Variants in PCLO observed in about 807,000 individuals in gnomAD.
PCLO encodes the protein protein piccolo.
Under a neutral mutation model 427.5 loss-of-function variants are expected in PCLO, and 82 were observed. That is an observed-to-expected ratio of 0.19 (90% CI 0.16 to 0.23). The LOEUF (loss-of-function observed/expected upper bound fraction) is 0.23, where lower values mean the gene tolerates loss of function less well. PCLO is among the 10% of genes least tolerant of loss of function. PCLO has a pLI of 1.00. For synonymous variants in PCLO, 2,357 were observed against 2,155.4 expected, an observed-to-expected ratio of 1.09 and a Z score of -2.59; for missense variants, 6,239 against 6,115.9, an observed-to-expected ratio of 1.02 and a Z score of -0.67.
At chr7:83,140,455 T>A (rs1460744981) in intron 2 of PCLO, among the ~76,000 whole-genome samples, 1 of 152,220 alleles carries the variant, frequency 6.6e-6, no homozygotes, top group Non-Finnish European at 1.5e-5. Flanking sequence ...TTTCCAAGCC[T>A]GTATCTCCCC....
intron 2 of PCLO, among the ~76,000 whole-genome samples, chr7:83,141,895 A>C (rs1791870728): frequency 6.6e-6 from 1 of 152,238 alleles, no homozygotes; most frequent in African/African-American, 2.4e-5. Flanking sequence ...TATCTTCAAT[A>C]ATGACTCAAA....
At chr7:82,888,108 T>C (rs962192919) in intron 9 of PCLO, among the ~76,000 whole-genome samples, 1 of 151,640 alleles carries the variant, frequency 6.6e-6, no homozygotes, top group African/African-American at 2.4e-5. Context: ...ATGAATACTA[T>C]GTAATTGCAC....
At chr7:83,107,809 T>C (rs886369067) in intron 3 of PCLO, among the ~76,000 whole-genome samples, 1 of 150,622 alleles carries the variant, frequency 6.6e-6, no homozygotes, top group African/African-American at 2.4e-5. Context: ...GCCAACATGG[T>C]GAAACCCCAA....
chr7:82,822,964 A>G (rs1791832226), intron 19 of PCLO, among the ~76,000 whole-genome samples: 1 of 152,168 alleles, frequency 6.6e-6, no homozygotes, highest in African/African-American at 2.4e-5. Flanking sequence ...GTTAACTTTT[A>G]GTTTCACCAA....
intron 4 of PCLO, among the ~76,000 whole-genome samples, chr7:82,961,422 G>C (rs1211705255): frequency 2.0e-5 from 3 of 152,158 alleles, no homozygotes; most frequent in Non-Finnish European, 4.4e-5. Flanking sequence ...TTCTCCCCAT[G>C]GGGAATGTTA....
intron 22 of PCLO, among the ~76,000 whole-genome samples, chr7:82,763,837 A>G (rs59707554): frequency 0.015 from 2,262 of 152,182 alleles, 63 homozygotes; most frequent in African/African-American, 0.05. Flanking sequence ...TTTACTTTCA[A>G]GAAACTCCAA....
intron 22 of PCLO, among the ~76,000 whole-genome samples, chr7:82,769,359 C>G (rs1790598388): frequency 1.3e-5 from 2 of 152,090 alleles, no homozygotes; most frequent in Admixed American, 6.6e-5. Flanking sequence ...ACAATAAACA[C>G]AGCAATGCTT....
At chr7:82,775,571 T>A (rs1399546977) in intron 22 of PCLO, among the ~76,000 whole-genome samples, 2 of 152,242 alleles carry the variant, frequency 1.3e-5, no homozygotes, top group African/African-American at 4.8e-5. Flanking sequence ...GCTCATTTTT[T>A]AAATTTGTTG....
chr7:82,875,836 C>T (rs1793355935), intron 10 of PCLO, among the ~76,000 whole-genome samples: 1 of 151,930 alleles, frequency 6.6e-6, no homozygotes, highest in African/African-American at 2.4e-5. Flanking sequence ...AAAAGCTATA[C>T]CAAAATATTT....
rs148622022 is a variant in PCLO, at chr7:82,961,529, C to T, written c.4017+4242G>A. ...GAGTCTCCACTGTGGCGTGCACATA[C>T]CCTGGAAGCTATCTATGCAAAGTGC... On this transcript the variant is annotated intron_variant, in intron 4 of 24. Coordinates refer to ENST00000333891, the MANE Select transcript of PCLO (RefSeq NM_033026.6). 4.6e-5 allele frequency among the ~76,000 whole-genome samples: 7 copies of T among 152,272 alleles called. No homozygotes were observed. In the East Asian group the frequency reaches 7.7e-4, roughly 17 times the overall value.
intron 16 of PCLO, among the ~76,000 whole-genome samples, chr7:82,830,821 G>A (rs1792076190): frequency 6.6e-6 from 1 of 151,882 alleles, no homozygotes; most frequent in Admixed American, 6.6e-5. Flanking sequence ...TACCTTTGAA[G>A]GGATTTATCA....
intron 3 of PCLO, among the ~76,000 whole-genome samples, chr7:83,015,875 GT>G (rs1476701485): frequency 1.3e-5 from 2 of 152,072 alleles, no homozygotes; most frequent in African/African-American, 4.8e-5. Flanking sequence ...AAGAACATAT[GT>G]TTTTTGCATA....
At chr7:82,822,417 C>T in intron 20 of PCLO, 78 bp downstream of exon 20, 3 of 1,608,442 alleles carry the variant, frequency 1.9e-6, no homozygotes, top group Non-Finnish European at 2.5e-6. Context: ...TGAAAGCAAA[C>T]AGGAAAGGAC....
intron 3 of PCLO, among the ~76,000 whole-genome samples, chr7:83,002,106 A>G (rs1352107135): frequency 6.6e-6 from 1 of 151,686 alleles, no homozygotes; most frequent in African/African-American, 2.4e-5. Context: ...CCTAGTTTTC[A>G]GCTATTTTAT....
chr7:82,820,616 A>T, intron 20 of PCLO: 1 of 1,230,106 alleles, frequency 8.1e-7, no homozygotes, highest in Non-Finnish European at 1.0e-6. Context: ...AACTTTCACC[A>T]TGTAAAGGTA....
At chr7:82,839,856 G>A (rs1792322955) in intron 14 of PCLO, among the ~76,000 whole-genome samples, 1 of 151,900 alleles carries the variant, frequency 6.6e-6, no homozygotes, top group Non-Finnish European at 1.5e-5. Context: ...TTCATGGTTT[G>A]GTTGTCTACA....
At chr7:82,917,057 T>A in intron 6 of PCLO, among the ~76,000 whole-genome samples, 184 bp from the exon 7 acceptor site, 1 of 152,232 alleles carries the variant, frequency 6.6e-6, no homozygotes, top group African/African-American at 2.4e-5. Flanking sequence ...TGAAAAATAA[T>A]TTTTTAAATA....
rs571697033 is a variant in PCLO, at chr7:83,015,743, G to A, written c.3301-49256C>T. On this transcript the variant is annotated intron_variant, in intron 3 of 24. Coordinates refer to ENST00000333891, the MANE Select transcript of PCLO (RefSeq NM_033026.6). ...CCATTATTTTTCAGTTTCTTTAGCT[G>A]TATAATAGACTAGTATTTTACTACA... Among the ~76,000 whole-genome samples the A allele has an allele frequency of 2.0e-5, 3 of 152,138 alleles. No homozygotes were observed. The East Asian group carries it at 5.8e-4, about 29-fold the overall frequency.
At chr7:82,811,132 T>C (rs1314640166) in intron 20 of PCLO, among the ~76,000 whole-genome samples, 1 of 151,556 alleles carries the variant, frequency 6.6e-6, no homozygotes, top group Non-Finnish European at 1.5e-5. Flanking sequence ...CAGTAGTAAA[T>C]ATCTTCCTAG....
Sources: gnomAD v4.1 joint callset for allele counts (sites outside exome capture counted in the v4.1 genomes callset) on GRCh38, gnomAD v4.1.1 for gene constraint, MANE v1.5 for transcripts, NCBI Gene and HGNC (gene_info 2026-07-23, HGNC 2026-07-21) for gene names.